The following ZSCAN18 variants were observed in gnomAD, a reference collection of about 807,000 sequenced individuals.
ZSCAN18 encodes zinc finger and SCAN domain-containing protein 18.
In ZSCAN18, 16 loss-of-function variants were observed where a neutral mutation model predicts 31.1. The observed-to-expected ratio is 0.51, with a 90% CI of 0.35 to 0.78. ZSCAN18 has a LOEUF of 0.78. Ranked by LOEUF, ZSCAN18 falls within the 30% of genes least tolerant of loss-of-function variation. The pLI is 0.01. For synonymous variants in ZSCAN18, 375 were observed against 320.7 expected (o/e 1.17, Z -1.81); for missense variants, 731 against 697.4 (o/e 1.05, Z -0.54).
intron 1 of ZSCAN18, chr19:58,092,703 A>G (rs552020305): frequency 2.0e-6 from 2 of 984,890 alleles, no homozygotes; most frequent in Admixed American, 1.2e-4. Flanking sequence ...ATTCTACACA[A>G]GCTTCCACTT....
At chr19:58,101,519 CTTTT>C (rs59435037), upstream of ZSCAN18, among the ~76,000 whole-genome samples, 90 of 55,434 alleles carry the variant, frequency 1.6e-3, no homozygotes, top group South Asian at 0.013. Context: ...TTATCTTCTT[CTTTT>C]TTTTTTTTTT....
chr19:58,117,309 C>T (rs1240277191), intron 1 of ZSCAN18, among the ~76,000 whole-genome samples: 2 of 151,982 alleles, frequency 1.3e-5, no homozygotes, highest in African/African-American at 4.8e-5. Flanking sequence ...AGAGGCCTGT[C>T]CCTGGGGGTC....
At chr19:58,099,969 T>TTTTTTG (rs2074579595), upstream of ZSCAN18, among the ~76,000 whole-genome samples, 1 of 150,790 alleles carries the variant, frequency 6.6e-6, no homozygotes, top group South Asian at 2.1e-4. Flanking sequence ...GCTATGTTTT[T>TTTTTTG]TTTTTTTTTG....
At chr19:58,102,071 C>A (rs1172432113), upstream of ZSCAN18, among the ~76,000 whole-genome samples, 3 of 152,024 alleles carry the variant, frequency 2.0e-5, no homozygotes, top group Non-Finnish European at 4.4e-5. Context: ...CACACACACA[C>A]GATTACTGAC....
chr19:58,095,551 G>A (rs1319058213), intron 1 of ZSCAN18, among the ~76,000 whole-genome samples: 1 of 152,134 alleles, frequency 6.6e-6, no homozygotes, highest in Non-Finnish European at 1.5e-5. Flanking sequence ...GCAGATCCCA[G>A]CCAGCTCCCC....
rs1249500241 is a variant in ZSCAN18 at position 58,084,492 on chromosome 19, TAC to T, written c.*191_*192del. 1.8e-6 allele frequency: 1 copy of T among 541,008 alleles called. No homozygotes were observed. Among genetic ancestry groups the T allele is most frequent in the African/African-American group, 2.0e-5 (1 of 50,102 alleles). 33.5% of individuals were successfully genotyped at this position (541,008 alleles called of 1,614,324 possible). A position where few individuals can be genotyped will look rare whatever the true frequency, so the allele number is the denominator to read the frequency against. The stretch of plus-strand genomic sequence containing the variant: ...TGCGAGCGCTGGCCCAGGGTGTGTT[TAC>T]AGAGGTGAGGGCTTCCCGTGGACCC... On this transcript the variant is annotated 3_prime_UTR_variant, in exon 7 of 7. Coordinates refer to ENST00000601144, the MANE Select transcript of ZSCAN18 (RefSeq NM_001145543.2). The surrounding 1 kb of genome is among the most constrained non-coding windows in gnomAD (Gnocchi z 4.5).
intron 1 of ZSCAN18, among the ~76,000 whole-genome samples, chr19:58,103,896 T>A (rs558434530): frequency 6.6e-6 from 1 of 152,080 alleles, no homozygotes; most frequent in Non-Finnish European, 1.5e-5. Context: ...GTGACTCCAG[T>A]GAATATGTGA....
At chr19:58,093,952 A>G (rs935532332) in intron 1 of ZSCAN18, among the ~76,000 whole-genome samples, 5 of 151,898 alleles carry the variant, frequency 3.3e-5, no homozygotes, top group East Asian at 2.0e-4. Context: ...TTTAGTACAG[A>G]CGGGGTTTCA....
intron 1 of ZSCAN18, among the ~76,000 whole-genome samples, chr19:58,112,006 A>C (rs1331124758): frequency 6.6e-6 from 1 of 151,912 alleles, no homozygotes; most frequent in African/African-American, 2.4e-5. Context: ...TCCAAACCCG[A>C]CCCCTGCCTT....
chr19:58,099,671 A>G (rs2074575945), upstream of ZSCAN18, among the ~76,000 whole-genome samples: 1 of 152,174 alleles, frequency 6.6e-6, no homozygotes, highest in Admixed American at 6.5e-5. Context: ...AAGCTGCCAC[A>G]CTCTCATGCA....
chr19:58,086,468 C>T (rs550541076), intron 5 of ZSCAN18: 40 of 528,268 alleles, frequency 7.6e-5, no homozygotes, highest in East Asian at 4.6e-4. Flanking sequence ...ACGGGGCAGG[C>T]GGAGGCAGGA....
At chr19:58,115,900 C>A (rs886348285) in intron 1 of ZSCAN18, among the ~76,000 whole-genome samples, 10 of 152,034 alleles carry the variant, frequency 6.6e-5, no homozygotes, top group African/African-American at 2.4e-4. Context: ...GATACACATT[C>A]AACTTGCCTC....
At position 58,084,646 on chromosome 19, in the gene ZSCAN18, C is replaced by T. The variant is rs765672518; in HGVS notation, c.*39G>A. 18 of 1,434,790 alleles carry T rather than the reference C, an allele frequency of 1.3e-5. No homozygotes were observed. Among genetic ancestry groups the T allele is most frequent in the East Asian group, 2.6e-5 (1 of 39,046 alleles). The allele number at this position is 1,434,790 out of a possible 1,614,324, so 88.9% of individuals were successfully genotyped here. A position where few individuals can be genotyped will look rare whatever the true frequency, so the allele number is the denominator to read the frequency against. ...CAATGCCTCGTCTGGGATTCACGGCCGGCAAAGCGGCCCCTCCGGAACGGG... is the reference window on the plus strand; with the variant it reads ...CAATGCCTCGTCTGGGATTCACGGCTGGCAAAGCGGCCCCTCCGGAACGGG... On this transcript the variant is annotated 3_prime_UTR_variant, in exon 7 of 7. Coordinates refer to ENST00000601144, the MANE Select transcript of ZSCAN18 (RefSeq NM_001145543.2). This position sits in a 1 kb window ranked among gnomAD's most constrained non-coding sequence, Gnocchi z 4.5.
At chr19:58,117,033 G>A (rs755147963) in intron 1 of ZSCAN18, among the ~76,000 whole-genome samples, 1 of 152,108 alleles carries the variant, frequency 6.6e-6, no homozygotes, top group Non-Finnish European at 1.5e-5. Context: ...GATTAAAAGC[G>A]CGTGCTTTAG....
intron 1 of ZSCAN18, among the ~76,000 whole-genome samples, chr19:58,113,322 A>G (rs564259057): frequency 1.8e-3 from 275 of 152,246 alleles, no homozygotes; most frequent in Non-Finnish European, 3.3e-3. Flanking sequence ...TCTCCAAAAA[A>G]AAAAAGGCGG....
At chr19:58,112,140 A>C (rs1443515305) in intron 1 of ZSCAN18, among the ~76,000 whole-genome samples, 1 of 152,098 alleles carries the variant, frequency 6.6e-6, no homozygotes, top group African/African-American at 2.4e-5. Flanking sequence ...GGGTAAGGTG[A>C]TCCTCCCACC....
intron 1 of ZSCAN18, among the ~76,000 whole-genome samples, chr19:58,106,823 C>G (rs968782925): frequency 6.6e-6 from 1 of 151,326 alleles, no homozygotes; most frequent in African/African-American, 2.4e-5. Flanking sequence ...TGCAGTGGCT[C>G]GATCTCTGCT....
At chr19:58,112,950 C>CAAAACAA (rs1555803485) in intron 1 of ZSCAN18, among the ~76,000 whole-genome samples, 1 of 69,492 alleles carries the variant, frequency 1.4e-5, no homozygotes, top group Non-Finnish European at 2.6e-5. Context: ...GGCTCCGTTT[C>CAAAACAA]AAAAAAAAAA....
chr19:58,091,256 A>G (rs2145987331), intron 1 of ZSCAN18, among the ~76,000 whole-genome samples: 1 of 109,224 alleles, frequency 9.2e-6, no homozygotes, highest in South Asian at 3.6e-4. Context: ...CAACGGTGAG[A>G]CTCTGTCTCA....
Sources: gnomAD v4.1 joint callset for allele counts (sites outside exome capture counted in the v4.1 genomes callset) on GRCh38, gnomAD v4.1.1 for gene constraint, Gnocchi (gnomAD v3.1) non-coding constraint, MANE v1.5 for transcripts, NCBI Gene and HGNC (gene_info 2026-07-23, HGNC 2026-07-21) for gene names.